Variants in AGMO observed in about 807,000 individuals in gnomAD.
AGMO encodes the protein glyceryl-ether monooxygenase.
AGMO carries 75 observed loss-of-function variants against 60.2 expected under a neutral mutation model. The ratio of observed to expected loss-of-function variants is 1.25; its 90% CI spans 1.03 to 1.51. AGMO has a LOEUF of 1.51. AGMO is among the 40% of genes most tolerant of loss of function. The probability of loss-of-function intolerance (pLI) is 0.00; values close to 1 mark genes in which losing one functional copy is unlikely to be tolerated. For missense variants in AGMO, 763 were observed against 525.5 expected (o/e 1.45, Z -4.42); for synonymous variants, 261 against 177.1 (o/e 1.47, Z -3.76).
At chr7:15,270,495 T>A (rs920079574) in intron 12 of AGMO, among the ~76,000 whole-genome samples, 3 of 151,872 alleles carry the variant, frequency 2.0e-5, no homozygotes, top group African/African-American at 7.2e-5. Context: ...GTTGACTTGT[T>A]TGAGTTCCTC....
chr7:15,350,890 G>A (rs1445454358), intron 12 of AGMO, among the ~76,000 whole-genome samples: 2 of 152,108 alleles, frequency 1.3e-5, no homozygotes, highest in Non-Finnish European at 2.9e-5. Flanking sequence ...GCATTATTTT[G>A]GAGAGACAGT....
intron 12 of AGMO, chr7:15,306,464 C>A (rs1430324182): frequency 1.3e-5 from 6 of 463,584 alleles, no homozygotes; most frequent in South Asian, 9.5e-5. Flanking sequence ...GCAATCAATG[C>A]ACTTTGGGGT....
intron 12 of AGMO, among the ~76,000 whole-genome samples, chr7:15,333,338 G>A (rs1423090093): frequency 1.3e-5 from 2 of 152,060 alleles, no homozygotes; most frequent in Non-Finnish European, 2.9e-5. Flanking sequence ...ACTTATAAAT[G>A]AATTGGGAAA....
intron 12 of AGMO, among the ~76,000 whole-genome samples, chr7:15,306,884 T>A (rs1780630980): frequency 6.6e-6 from 1 of 151,946 alleles, no homozygotes; most frequent in Non-Finnish European, 1.5e-5. Context: ...ATAACAGAGG[T>A]AATGAACTCT....
chr7:15,251,717 G>A (rs1782943575), intron 12 of AGMO, among the ~76,000 whole-genome samples: 1 of 152,158 alleles, frequency 6.6e-6, no homozygotes. Context: ...CCTCCCAGTT[G>A]AGTCCTTGCA....
At chr7:15,448,599 C>T (rs1781768603) in intron 3 of AGMO, among the ~76,000 whole-genome samples, 3 of 139,012 alleles carry the variant, frequency 2.2e-5, no homozygotes, top group Admixed American at 1.5e-4. Context: ...ACTGATTTCT[C>T]CATAAAGTTT....
chr7:15,329,659 C>G (rs1402002173), intron 12 of AGMO, among the ~76,000 whole-genome samples: 3 of 152,278 alleles, frequency 2.0e-5, no homozygotes, highest in African/African-American at 7.2e-5. Context: ...CTATGTTATT[C>G]TTGATATATC....
At chr7:15,267,281 G>C (rs1466920178) in intron 12 of AGMO, among the ~76,000 whole-genome samples, 1 of 151,844 alleles carries the variant, frequency 6.6e-6, no homozygotes, top group Admixed American at 6.6e-5. Flanking sequence ...TAATTATAAT[G>C]AGATATACTG....
Position 15,385,427 on chromosome 7 carries a change from TAA to T in AGMO, c.1074+17_1074+18del, listed in dbSNP as rs1650911736. The T allele has an allele frequency of 6.9e-7, 1 of 1,445,580 alleles. No individual in the cohort carries two copies. The highest frequency in any genetic ancestry group is 9.7e-7 in the Non-Finnish European group (1 of 1,032,928). The allele number at this position is 1,445,580 out of a possible 1,614,324, so 89.5% of individuals were successfully genotyped here. A position where few individuals can be genotyped will look rare whatever the true frequency, so the allele number is the denominator to read the frequency against. On this transcript the variant is annotated intron_variant, in intron 10 of 12. Transcript: ENST00000342526. ...TAACAGATAATGTTCTCACACTACT[TAA>T]AATGGATATTACTTACAGCTGTATC...
chr7:15,418,457 A>T, intron 5 of AGMO, 101 bp downstream of exon 5: 1 of 711,100 alleles, frequency 1.4e-6, no homozygotes, highest in East Asian at 3.0e-5. Flanking sequence ...AAAGGCAGAC[A>T]AAGATTTTTC....
At chr7:15,345,646 G>T (rs1051401680) in intron 12 of AGMO, among the ~76,000 whole-genome samples, 1 of 152,082 alleles carries the variant, frequency 6.6e-6, no homozygotes, top group Admixed American at 6.6e-5. Flanking sequence ...TACTGATGTT[G>T]TTGTTAGCAG....
intron 5 of AGMO, among the ~76,000 whole-genome samples, chr7:15,395,629 G>T (rs1050735988): frequency 1.7e-4 from 26 of 152,098 alleles, no homozygotes; most frequent in African/African-American, 5.8e-4. Flanking sequence ...AAGGACAACT[G>T]ATGCAAATTA....
At chr7:15,249,380 T>G (rs530581712) in intron 12 of AGMO, among the ~76,000 whole-genome samples, 1 of 152,252 alleles carries the variant, frequency 6.6e-6, no homozygotes, top group African/African-American at 2.4e-5. Context: ...AAGTTGAGGA[T>G]AAGATTATTA....
chr7:15,163,344 G>A, the AGMO span, among the ~76,000 whole-genome samples: 1 of 152,050 alleles, frequency 6.6e-6, no homozygotes, highest in African/African-American at 2.4e-5. Flanking sequence ...CTCTGGCTGA[G>A]TTCCAGTACT....
intron 12 of AGMO, among the ~76,000 whole-genome samples, chr7:15,351,681 A>G (rs1034815527): frequency 6.6e-6 from 1 of 152,240 alleles, no homozygotes; most frequent in Non-Finnish European, 1.5e-5. Flanking sequence ...TGACATGTTC[A>G]TGCAATAGCA....
intron 12 of AGMO, among the ~76,000 whole-genome samples, chr7:15,244,948 G>T (rs59321072): frequency 0.024 from 3,658 of 152,218 alleles, 168 homozygotes; most frequent in African/African-American, 0.084. Flanking sequence ...CACCACGCCC[G>T]GCCAGTATTT....
chr7:15,212,285 CACAA>C (rs1781616375), intron 12 of AGMO, among the ~76,000 whole-genome samples: 2 of 145,286 alleles, frequency 1.4e-5, no homozygotes, highest in Admixed American at 1.4e-4. Context: ...CACACACACA[CACAA>C]ATAGCATGGG....
intron 3 of AGMO, among the ~76,000 whole-genome samples, chr7:15,475,457 C>T (rs575743098): frequency 1.2e-4 from 18 of 152,050 alleles, no homozygotes; most frequent in African/African-American, 4.1e-4. Context: ...AACCAAACAC[C>T]GCATGTTCTC....
chr7:15,313,717 T>C (rs1278252547), intron 12 of AGMO, among the ~76,000 whole-genome samples: 1 of 152,110 alleles, frequency 6.6e-6, no homozygotes, highest in Non-Finnish European at 1.5e-5. Flanking sequence ...AAACCACGGA[T>C]CATACCAAAC....
Sources: allele counts gnomAD v4.1 joint callset (sites outside exome capture counted in the v4.1 genomes callset), GRCh38; gene constraint gnomAD v4.1.1; transcripts MANE v1.5; gene names NCBI Gene and HGNC (gene_info 2026-07-23, HGNC 2026-07-21).